The following WBP2NL variants were observed in gnomAD, a reference collection of about 807,000 sequenced individuals.
WBP2NL encodes postacrosomal sheath WW domain-binding protein.
WBP2NL carries 27 observed loss-of-function variants against 23.3 expected under a neutral mutation model. The observed-to-expected ratio is 1.16, with a 90% CI of 0.85 to 1.60. The LOEUF is 1.60. WBP2NL is among the 40% of genes most tolerant of loss of function. WBP2NL has a pLI of 0.00. For missense variants in WBP2NL, 370 were observed against 389.5 expected, an observed-to-expected ratio of 0.95 and a Z score of 0.42; for synonymous variants, 151 against 145.9, an observed-to-expected ratio of 1.03 and a Z score of -0.25.
In WBP2NL at chr22:42,021,050, G is replaced by A. The variant is rs770477660; in HGVS notation, c.406+954G>A. ...TTCTCCTCCCTCAGCCTCCCAAGTA[G>A]CTGGGATTACAAGTGTCCACCACCA... On this transcript the variant is annotated intron_variant, in intron 4 of 5. Transcript: ENST00000328823. Among the ~76,000 whole-genome samples, 157 of 147,336 alleles carry A rather than the reference G, an allele frequency of 1.1e-3. 2 individuals carry two copies. The highest frequency in any genetic ancestry group is 3.4e-4 in the Non-Finnish European group (23 of 67,248).
intron 8 of WBP2NL, among the ~76,000 whole-genome samples, chr22:42,038,104 G>A (rs1925258764): frequency 6.6e-6 from 1 of 152,146 alleles, no homozygotes; most frequent in South Asian, 2.1e-4. Context: ...TGTGATGTTA[G>A]TTGTGGGCAT....
chr22:42,016,524 A>G (rs1923324273), intron 1 of WBP2NL, among the ~76,000 whole-genome samples: 1 of 152,226 alleles, frequency 6.6e-6, no homozygotes, highest in African/African-American at 2.4e-5. Context: ...TTAAAATGTC[A>G]TAAAGCTTAC....
At chr22:42,003,578 C>T (rs1921919617) in intron 1 of WBP2NL, 1 of 151,832 alleles carries the variant, frequency 6.6e-6, no homozygotes, top group East Asian at 1.9e-4. Context: ...CAAGTTTGTA[C>T]TTTGTATACA....
Position 42,027,090 on chromosome 22 carries a change from C to T in WBP2NL, c.839C>T (p.Ser280Leu). ...GGATACAGAGCCTCACCTGCTGGATCAGGAGCCAGGCCTCAGGAATCTACA... is the reference window on the plus strand; with the variant it reads ...GGATACAGAGCCTCACCTGCTGGATTAGGAGCCAGGCCTCAGGAATCTACA... ...PAGYRASPAGSGARPQESTAA... is the reference protein window; with the variant it reads ...PAGYRASPAGLGARPQESTAA... The change falls in exon 6 of 6, where the codon TCA (serine) becomes TTA (leucine). Residue 280 changes from serine to leucine, a missense_variant. By Grantham distance (145) the Ser-to-Leu change is moderately radical. Coordinates refer to ENST00000328823, the MANE Select transcript of WBP2NL (RefSeq NM_152613.3). The T allele has an allele frequency of 1.2e-6, 2 of 1,614,126 alleles. No individual in the cohort carries two copies. Among genetic ancestry groups the T allele is most frequent in the Non-Finnish European group, 8.5e-7 (1 of 1,179,920 alleles).
intron 8 of WBP2NL, among the ~76,000 whole-genome samples, chr22:42,058,061 C>T (rs748486640): frequency 4.5e-4 from 67 of 149,414 alleles, no homozygotes; most frequent in African/African-American, 1.2e-3. Context: ...GGACTACAGG[C>T]GCCCACCACC....
Position 42,019,341 on chromosome 22 carries a change from C to G in WBP2NL, c.93C>G (p.Leu31=), listed in dbSNP as rs900834830. Reference sequence around the variant, plus strand: ...TGAAGCGGTCTCCGAATGTGGAGCTCTCCTTCCCACAGCGATCAGAAGGCT... The same window carrying G: ...TGAAGCGGTCTCCGAATGTGGAGCTGTCCTTCCCACAGCGATCAGAAGGCT... ...SLLKRSPNVE[L]SFPQRSEGSN... is the part of the protein sequence containing the mutation. The change falls in exon 2 of 6, where the codon CTC becomes CTG. Residue 31 remains leucine (L), a synonymous_variant. Transcript: ENST00000328823. 9.9e-6 allele frequency: 16 copies of G among 1,614,122 alleles called. No individual in the cohort carries two copies. Among genetic ancestry groups the G allele is most frequent in the South Asian group, 6.6e-5 (6 of 91,074 alleles).
intron 8 of WBP2NL, among the ~76,000 whole-genome samples, chr22:42,048,375 A>C (rs1392719157): frequency 1.3e-5 from 2 of 150,344 alleles, no homozygotes; most frequent in Non-Finnish European, 2.9e-5. Flanking sequence ...CAATAGAGCA[A>C]GACTCCATCT....
chr22:42,049,037 A>ACCTACTT (rs1925712545), intron 8 of WBP2NL, among the ~76,000 whole-genome samples: 1 of 152,212 alleles, frequency 6.6e-6, no homozygotes, highest in African/African-American at 2.4e-5. Context: ...TGAAGGAACA[A>ACCTACTT]CCTACTTTGT....
intron 5 of WBP2NL, among the ~76,000 whole-genome samples, chr22:42,024,803 C>CTTT (rs133345): frequency 8.0e-6 from 1 of 124,886 alleles, no homozygotes; most frequent in African/African-American, 2.9e-5. Flanking sequence ...TTGATAATGA[C>CTTT]TTTTTTTTTT....
chr22:42,051,259 T>C (rs1252417131), intron 8 of WBP2NL, among the ~76,000 whole-genome samples: 2 of 152,176 alleles, frequency 1.3e-5, no homozygotes, highest in African/African-American at 4.8e-5. Context: ...GGCTATTTAC[T>C]GTATGATTCA....
downstream of WBP2NL, chr22:42,029,986 G>A (rs1159843088): frequency 1.3e-5 from 2 of 152,270 alleles, no homozygotes; most frequent in Admixed American, 6.5e-5. Flanking sequence ...GAAACCAGAT[G>A]CTCCCATGTT....
At chr22:42,007,050 T>A (rs904198068) in intron 1 of WBP2NL, among the ~76,000 whole-genome samples, 1 of 152,264 alleles carries the variant, frequency 6.6e-6, no homozygotes. Flanking sequence ...CTTTTCCACA[T>A]GGAAATAAAC....
At chr22:42,012,852 C>T (rs895362914) in intron 1 of WBP2NL, among the ~76,000 whole-genome samples, 8 of 151,590 alleles carry the variant, frequency 5.3e-5, no homozygotes, top group African/African-American at 9.7e-5. Flanking sequence ...ATTAGTTGGG[C>T]GTGGTGGCAC....
chr22:42,000,441 C>T (rs1435854181), intron 1 of WBP2NL, among the ~76,000 whole-genome samples: 1 of 151,774 alleles, frequency 6.6e-6, no homozygotes, highest in Non-Finnish European at 1.5e-5. Flanking sequence ...TTTTTCTTTT[C>T]TTAAGATATT....
intron 1 of WBP2NL, among the ~76,000 whole-genome samples, chr22:42,005,251 C>T (rs111639858): frequency 0.051 from 7,624 of 150,212 alleles, 624 homozygotes; most frequent in African/African-American, 0.17. Context: ...TGGTGGCTCA[C>T]GCCTGTAATC....
chr22:42,034,737 C>A (rs922640245), downstream of WBP2NL, among the ~76,000 whole-genome samples: 3 of 152,188 alleles, frequency 2.0e-5, no homozygotes, highest in Non-Finnish European at 4.4e-5. Context: ...CAGAGACCTA[C>A]CCCTAGGTGC....
intron 8 of WBP2NL, among the ~76,000 whole-genome samples, chr22:42,057,478 T>A (rs1179602107): frequency 6.6e-6 from 1 of 152,064 alleles, no homozygotes; most frequent in Non-Finnish European, 1.5e-5. Flanking sequence ...TTTGAACATG[T>A]TTAAAATAGC....
At chr22:42,052,039 A>G (rs920785129) in intron 8 of WBP2NL, among the ~76,000 whole-genome samples, 1 of 152,226 alleles carries the variant, frequency 6.6e-6, no homozygotes, top group Non-Finnish European at 1.5e-5. Context: ...CAACTAAATT[A>G]CCATCTTATT....
At chr22:42,011,658 T>A (rs962805870) in intron 1 of WBP2NL, among the ~76,000 whole-genome samples, 2 of 152,198 alleles carry the variant, frequency 1.3e-5, no homozygotes, top group African/African-American at 4.8e-5. Flanking sequence ...TTCTAGGGAT[T>A]TATCCATTTC....
Sources: gnomAD v4.1 joint callset for allele counts (sites outside exome capture counted in the v4.1 genomes callset) on GRCh38, gnomAD v4.1.1 for gene constraint, MANE v1.5 for transcripts, NCBI Gene and HGNC (gene_info 2026-07-23, HGNC 2026-07-21) for gene names.